The following TSFM variants were observed in gnomAD, a reference collection of about 807,000 sequenced individuals.
The protein encoded by TSFM is elongation factor Ts, mitochondrial.
Under a neutral mutation model 33.4 loss-of-function variants are expected in TSFM, and 29 were observed. The observed-to-expected ratio is 0.87, with a 90% CI of 0.65 to 1.18. The LOEUF is 1.18. Among genes scored for constraint, TSFM ranks in the 50% most tolerant of loss-of-function variants. TSFM has a pLI of 0.00. For synonymous variants in TSFM, 178 were observed against 163.5 expected (o/e 1.09, Z -0.68); for missense variants, 394 against 395.6 (o/e 1.00, Z 0.04).
At chr12:57,791,856 ATAC>A (rs1198695607) in intron 4 of TSFM, 2 of 228,432 alleles carry the variant, frequency 8.8e-6, no homozygotes, top group Non-Finnish European at 1.9e-5. Flanking sequence ...GTTTTATTAG[ATAC>A]TACAACTTCA....
chr12:57,790,848 C>A (rs1006152057), intron 4 of TSFM, among the ~76,000 whole-genome samples: 6 of 147,180 alleles, frequency 4.1e-5, no homozygotes, highest in Admixed American at 4.0e-4. Context: ...TCCAGCACTT[C>A]GGGGTTTTTT....
At chr12:57,800,559 T>C (rs1052380122), downstream of TSFM, 1 of 152,908 alleles carries the variant, frequency 6.5e-6, no homozygotes, top group Non-Finnish European at 1.5e-5. Context: ...CCAATGACTT[T>C]AATCTCTCCT....
At chr12:57,794,909 G>C (rs777402948) in intron 5 of TSFM, among the ~76,000 whole-genome samples, 2 of 151,706 alleles carry the variant, frequency 1.3e-5, no homozygotes, top group African/African-American at 4.8e-5. Context: ...GTAGGTGCCC[G>C]CCAGCACGCC....
chr12:57,788,966 T>C (rs1041707761), intron 4 of TSFM, among the ~76,000 whole-genome samples: 101 of 130,618 alleles, frequency 7.7e-4, no homozygotes, highest in African/African-American at 2.6e-3. Context: ...ATCATCGCCC[T>C]TTTTTTTTTT....
downstream of TSFM, chr12:57,799,875 G>T (rs1197503190): frequency 1.3e-5 from 21 of 1,614,104 alleles, no homozygotes; most frequent in East Asian, 1.1e-4. Context: ...TAATATTTTG[G>T]CTCACTGTCA....
chr12:57,795,048 C>CACGGCT (rs1242548824), intron 5 of TSFM, among the ~76,000 whole-genome samples: 1 of 148,536 alleles, frequency 6.7e-6, no homozygotes, highest in Non-Finnish European at 1.5e-5. Context: ...CGTGAGCCAC[C>CACGGCT]GCACCCAGCC....
chr12:57,799,707 C>T (rs982532910), downstream of TSFM: 156 of 1,565,916 alleles, frequency 1.0e-4, no homozygotes, highest in Non-Finnish European at 1.3e-4. Context: ...TACAATGTGC[C>T]GGAGCTGTCC....
chr12:57,784,989 CA>C (rs1378986622), intron 2 of TSFM, among the ~76,000 whole-genome samples: 1 of 127,426 alleles, frequency 7.8e-6, no homozygotes, highest in Non-Finnish European at 1.6e-5. Context: ...TGCAGTGGCA[CA>C]ATCTTGGCTC....
rs1399601747 is a variant in TSFM, at chr12:57,792,365, T to A, written c.484-621T>A. On this transcript the variant is annotated intron_variant, in intron 4 of 5. Transcript: ENST00000652027. Reference sequence around the variant, plus strand: ...GAGTTCAAGACCAGCCTGAGCAACATAGGGAAACCCCATCTCTATATTTAA... The same window carrying A: ...GAGTTCAAGACCAGCCTGAGCAACAAAGGGAAACCCCATCTCTATATTTAA... 2.0e-5 allele frequency among the ~76,000 whole-genome samples: 3 copies of A among 152,322 alleles called. No homozygotes were observed. In the East Asian group the frequency reaches 5.8e-4, roughly 29 times the overall value.
chr12:57,788,090 C>CT (rs1232671670), intron 4 of TSFM, among the ~76,000 whole-genome samples: 4 of 152,120 alleles, frequency 2.6e-5, no homozygotes, highest in African/African-American at 4.8e-5. Context: ...TTATTACCAA[C>CT]TTTTTTTATC....
intron 4 of TSFM, among the ~76,000 whole-genome samples, chr12:57,789,754 A>G (rs1415499412): frequency 1.3e-5 from 2 of 152,226 alleles, no homozygotes; most frequent in African/African-American, 2.4e-5. Flanking sequence ...CAGCACTAAC[A>G]TTGACTCGTG....
At chr12:57,800,155 C>A, downstream of TSFM, 1 of 465,892 alleles carries the variant, frequency 2.1e-6, no homozygotes, top group Non-Finnish European at 3.8e-6. Flanking sequence ...CAAGGCAAGT[C>A]CTGTATAGCT....
At chr12:57,783,085 C>T (rs1345074386) in intron 1 of TSFM, 25 bp from the exon 2 acceptor site, 2 of 1,595,134 alleles carry the variant, frequency 1.3e-6, no homozygotes, top group Non-Finnish European at 1.7e-6. Context: ...CTTCCTGCTC[C>T]TCATCCCTTT....
At chr12:57,791,305 C>A (rs1021430024) in intron 4 of TSFM, among the ~76,000 whole-genome samples, 2 of 152,136 alleles carry the variant, frequency 1.3e-5, no homozygotes, top group Non-Finnish European at 2.9e-5. Flanking sequence ...CCACCGCGCC[C>A]GGCCGGCCAG....
chr12:57,793,112 G>T (rs1273996228), intron 5 of TSFM, 39 bp downstream of exon 5: 2 of 1,538,496 alleles, frequency 1.3e-6, no homozygotes, highest in African/African-American at 2.7e-5. Flanking sequence ...GGAAATTAGG[G>T]ACTGGATCTC....
intron 1 of TSFM, 45 bp downstream of exon 1, chr12:57,782,903 C>T (rs2140412727): frequency 6.4e-7 from 1 of 1,554,936 alleles, no homozygotes; most frequent in Admixed American, 1.9e-5. Context: ...CCCTGCAGCT[C>T]TCCTGTGCGC....
downstream of TSFM, chr12:57,797,843 C>T (rs758098156): frequency 6.8e-7 from 1 of 1,473,764 alleles, no homozygotes; most frequent in South Asian, 1.3e-5. Context: ...ACTATCTGCT[C>T]TTTTCTGTGG....
chr12:57,794,220 A>C (rs1484994271), intron 5 of TSFM, among the ~76,000 whole-genome samples: 1 of 152,212 alleles, frequency 6.6e-6, no homozygotes, highest in Non-Finnish European at 1.5e-5. Flanking sequence ...GTTTCTGGGA[A>C]TTAACTATTG....
chr12:57,799,956 C>A (rs1955813934), downstream of TSFM: 3 of 1,612,256 alleles, frequency 1.9e-6, no homozygotes, highest in Non-Finnish European at 2.5e-6. Context: ...AGGGAAAAGA[C>A]TCCTCAGTGT....
Sources: gnomAD v4.1 joint callset for allele counts (sites outside exome capture counted in the v4.1 genomes callset) on GRCh38, gnomAD v4.1.1 for gene constraint, MANE v1.5 for transcripts, NCBI Gene and HGNC (gene_info 2026-07-23, HGNC 2026-07-21) for gene names.